ABCC1: variants seen among roughly 807,000 people sequenced by gnomAD.
ABCC1 encodes the protein multidrug resistance-associated protein 1.
ABCC1 carries 83 observed loss-of-function variants against 172.9 expected under a neutral mutation model. The ratio of observed to expected loss-of-function variants is 0.48; its 90% CI spans 0.40 to 0.58. ABCC1 has a LOEUF of 0.58. Ranked by LOEUF, ABCC1 falls within the 20% of genes least tolerant of loss-of-function variation. The probability of loss-of-function intolerance (pLI) is 0.00; values close to 1 mark genes in which losing one functional copy is unlikely to be tolerated. For synonymous variants in ABCC1, 937 were observed against 825.2 expected (o/e 1.14, Z -2.32); for missense variants, 1,817 against 2,002.7 (o/e 0.91, Z 1.77).
chr16:16,030,454 G>C (rs934991792), intron 5 of ABCC1, among the ~76,000 whole-genome samples: 1 of 152,158 alleles, frequency 6.6e-6, no homozygotes, highest in East Asian at 1.9e-4. Flanking sequence ...GAACCCAGGA[G>C]GCGGAGTTTG....
intron 5 of ABCC1, among the ~76,000 whole-genome samples, chr16:16,020,919 A>G (rs2048172088): frequency 6.6e-6 from 1 of 152,188 alleles, no homozygotes; most frequent in Non-Finnish European, 1.5e-5. Context: ...GTAGTAGAGC[A>G]GAGATTCGAA....
intron 1 of ABCC1, among the ~76,000 whole-genome samples, chr16:15,989,780 T>G (rs2046817952): frequency 6.6e-6 from 1 of 152,168 alleles, no homozygotes; most frequent in East Asian, 1.9e-4. Flanking sequence ...AGTACCTTCC[T>G]CATAGACTGC....
intron 5 of ABCC1, among the ~76,000 whole-genome samples, chr16:16,030,847 A>G (rs2048535632): frequency 1.3e-5 from 2 of 151,944 alleles, no homozygotes; most frequent in Admixed American, 1.3e-4. Context: ...GCCCGGATAC[A>G]GTATTTTTTT....
At chr16:16,007,748 T>C (rs2047598330) in intron 1 of ABCC1, 68 bp from the exon 2 acceptor site, 1 of 1,472,666 alleles carries the variant, frequency 6.8e-7, no homozygotes, top group Non-Finnish European at 9.1e-7. Flanking sequence ...GCTGGTTTCA[T>C]GCTCCAGGCG....
intron 8 of ABCC1, among the ~76,000 whole-genome samples, chr16:16,045,425 AAAC>A (rs1275315863): frequency 1.3e-5 from 2 of 151,324 alleles, no homozygotes; most frequent in Non-Finnish European, 2.9e-5. Context: ...AAAAGAATAA[AAAC>A]AACAACAAAA....
chr16:16,014,500 A>G lies in ABCC1; in HGVS notation c.361A>G (p.Thr121Ala), dbSNP rs894682650. Residue 121 changes from threonine to alanine, a missense_variant, in exon 4 of 31, where the codon ACC (threonine) becomes GCC (alanine). Physicochemically the swap from Thr to Ala is moderately conservative, Grantham distance 58. Coordinates refer to ENST00000399410, the MANE Select transcript of ABCC1 (RefSeq NM_004996.4). ...GTGCTTCTCTCCTCAGCTGCTTGCT[A>G]CCTTTTTAATTCAGCTGGAGAGGAG... Reference protein sequence around the residue: ...TLLGITMLLATFLIQLERRKG... With the variant: ...TLLGITMLLAAFLIQLERRKG... The G allele has an allele frequency of 2.2e-5, 35 of 1,613,762 alleles. No individual in the cohort carries two copies. Among genetic ancestry groups the G allele is most frequent in the Non-Finnish European group, 2.9e-5 (34 of 1,179,962 alleles).
rs1409211796 is a variant in ABCC1 at position 16,014,713 on chromosome 16, G to A, written c.489+85G>A. 5.3e-6 allele frequency: 8 copies of A among 1,514,990 alleles called. No individual in the cohort carries two copies. The East Asian group carries it at 1.1e-4, about 22-fold the overall frequency. 93.8% of individuals were successfully genotyped at this position (1,514,990 alleles called of 1,614,324 possible). A position where few individuals can be genotyped will look rare whatever the true frequency, so the allele number is the denominator to read the frequency against. On this transcript the variant is annotated intron_variant, in intron 4 of 30. Coordinates refer to ENST00000399410, the MANE Select transcript of ABCC1 (RefSeq NM_004996.4). ...TCCCTCTGGCTTGTGTAGAAGTCAT[G>A]CGTTGCCATGGGAACCAGGGGCTGG...
At chr16:15,998,113 C>T (rs114192283) in intron 1 of ABCC1, among the ~76,000 whole-genome samples, 2,479 of 150,238 alleles carry the variant, frequency 0.017, 61 homozygotes, top group African/African-American at 0.058. Flanking sequence ...TGACCCACTG[C>T]GCCCAGTCCC....
intron 10 of ABCC1, among the ~76,000 whole-genome samples, chr16:16,049,094 T>C (rs1051431446): frequency 3.3e-5 from 5 of 152,074 alleles, no homozygotes; most frequent in Non-Finnish European, 5.9e-5. Context: ...GATCAAGCAA[T>C]GTTGTCAGTA....
chr16:15,975,613 A>G (rs149097326), intron 1 of ABCC1, among the ~76,000 whole-genome samples: 2 of 151,102 alleles, frequency 1.3e-5, no homozygotes, highest in East Asian at 3.9e-4. Context: ...CTGGAGTGCA[A>G]TGGTGGGGTC....
intron 13 of ABCC1, among the ~76,000 whole-genome samples, chr16:16,069,743 G>T (rs35611): frequency 6.6e-6 from 1 of 151,684 alleles, no homozygotes; most frequent in East Asian, 1.9e-4. Context: ...GAAAAAAAAA[G>T]CCAAGCATGA....
At chr16:15,999,764 CCTCTTT>C (rs1262115115) in intron 1 of ABCC1, among the ~76,000 whole-genome samples, 1 of 30,762 alleles carries the variant, frequency 3.3e-5, no homozygotes, top group South Asian at 1.8e-3. Flanking sequence ...CTGTGCCCGG[CCTCTTT>C]CTCTCTCTCT....
intron 7 of ABCC1, among the ~76,000 whole-genome samples, chr16:16,043,623 A>G (rs567573347): frequency 1.1e-4 from 15 of 140,054 alleles, no homozygotes; most frequent in South Asian, 2.3e-4. Flanking sequence ...TCTTTTTGAG[A>G]TGGAGTTTTG....
intron 26 of ABCC1, among the ~76,000 whole-genome samples, chr16:16,128,216 G>C (rs904211381): frequency 6.9e-6 from 1 of 145,532 alleles, no homozygotes; most frequent in South Asian, 2.2e-4. Context: ...CTTAAGTCTC[G>C]CTCCAGCCTG....
At chr16:16,137,831 G>T (rs2045974174) in intron 29 of ABCC1, among the ~76,000 whole-genome samples, 1 of 151,750 alleles carries the variant, frequency 6.6e-6, no homozygotes, top group Non-Finnish European at 1.5e-5. Context: ...GGGATACTAG[G>T]TGTGAGCCAC....
At chr16:16,138,636 C>A (rs898593252) in intron 30 of ABCC1, 78 bp downstream of exon 30, 1 of 1,218,640 alleles carries the variant, frequency 8.2e-7, no homozygotes, top group South Asian at 1.7e-5. Flanking sequence ...TTCATTAATT[C>A]ATTCAACACT....
intron 19 of ABCC1, chr16:16,098,918 G>A: frequency 9.6e-6 from 13 of 1,352,004 alleles, no homozygotes; most frequent in Non-Finnish European, 1.3e-5. Context: ...TACTGCCCGG[G>A]TTGGAGTTGG....
intron 24 of ABCC1, 82 bp from the exon 25 acceptor site, chr16:16,124,707 C>T (rs1039169739): frequency 4.4e-6 from 7 of 1,589,942 alleles, no homozygotes; most frequent in African/African-American, 2.7e-5. Flanking sequence ...CAAAGAATCC[C>T]CTTCCTCCCC....
At chr16:16,120,294 A>T (rs1377206612) in intron 23 of ABCC1, among the ~76,000 whole-genome samples, 3 of 152,214 alleles carry the variant, frequency 2.0e-5, no homozygotes, top group Non-Finnish European at 4.4e-5. Flanking sequence ...ACCTTGTGGA[A>T]TCAGGAACCC....
Sources: allele counts gnomAD v4.1 joint callset (sites outside exome capture counted in the v4.1 genomes callset), GRCh38; gene constraint gnomAD v4.1.1; transcripts MANE v1.5; gene names NCBI Gene and HGNC (gene_info 2026-07-23, HGNC 2026-07-21).